SPTBN1: variants seen among roughly 807,000 people sequenced by gnomAD.
SPTBN1 encodes spectrin beta chain, non-erythrocytic 1.
SPTBN1 carries 32 observed loss-of-function variants against 266.4 expected under a neutral mutation model. The observed-to-expected ratio is 0.12, with a 90% confidence interval of 0.09 to 0.16. The LOEUF is 0.16. SPTBN1 is among the 10% of genes least tolerant of loss of function. The pLI, the probability that SPTBN1 is intolerant of heterozygous loss-of-function variation, is 1.00. For missense variants in SPTBN1, 2,296 were observed against 3,067.1 expected, an observed-to-expected ratio of 0.75 and a Z score of 5.94; for synonymous variants, 1,336 against 1,162.2, an observed-to-expected ratio of 1.15 and a Z score of -3.04.
chr2:54,635,318 C>T (rs1235432064), intron 17 of SPTBN1, among the ~76,000 whole-genome samples: 1 of 152,220 alleles, frequency 6.6e-6, no homozygotes, highest in Non-Finnish European at 1.5e-5. Context: ...CATTAAGCCA[C>T]ACTCACTTCT....
chr2:54,539,978 A>G (rs1234473706), intron 2 of SPTBN1, among the ~76,000 whole-genome samples: 1 of 152,174 alleles, frequency 6.6e-6, no homozygotes, highest in Admixed American at 6.5e-5. Flanking sequence ...ATGAAAGTGG[A>G]GCCCTCGTGA....
chr2:54,582,995 C>G (rs144381244), intron 2 of SPTBN1, among the ~76,000 whole-genome samples: 34 of 152,294 alleles, frequency 2.2e-4, no homozygotes, highest in Non-Finnish European at 2.8e-4. Flanking sequence ...AGTAAACACT[C>G]AGTAAACCCT....
intron 2 of SPTBN1, among the ~76,000 whole-genome samples, chr2:54,552,446 G>C (rs1482215846): frequency 7.0e-6 from 1 of 143,210 alleles, no homozygotes; most frequent in African/African-American, 2.7e-5. Context: ...AGCTTCTTAG[G>C]TCCCAGGTCT....
At chr2:54,473,093 A>T (rs991079280) in intron 1 of SPTBN1, among the ~76,000 whole-genome samples, 1 of 152,180 alleles carries the variant, frequency 6.6e-6, no homozygotes, top group Non-Finnish European at 1.5e-5. Context: ...CTGTCTTCAT[A>T]TGTGTAAGTC....
chr2:54,598,407 C>T (rs760216267), intron 2 of SPTBN1, among the ~76,000 whole-genome samples: 11 of 152,130 alleles, frequency 7.2e-5, no homozygotes, highest in Non-Finnish European at 1.3e-4. Context: ...TTTCCCGATG[C>T]CTGCAAAGAC....
At chr2:54,557,945 C>G in intron 2 of SPTBN1, 1 of 985,206 alleles carries the variant, frequency 1.0e-6, no homozygotes, top group Non-Finnish European at 1.2e-6. Context: ...GGGGCAGTCG[C>G]GCGCGCCCAG....
intron 2 of SPTBN1, among the ~76,000 whole-genome samples, chr2:54,579,243 A>G (rs955747127): frequency 2.0e-5 from 3 of 152,208 alleles, no homozygotes; most frequent in African/African-American, 7.2e-5. Context: ...TTGACGGCAC[A>G]TAGAATGAAG....
At chr2:54,516,042 G>T (rs1489510027) in intron 1 of SPTBN1, 1 of 152,106 alleles carries the variant, frequency 6.6e-6, no homozygotes, top group East Asian at 1.9e-4. Context: ...TTTGATGCAG[G>T]TCATTCATTT....
Position 54,665,898 on chromosome 2 carries a change from T to C in SPTBN1, c.6660-17T>C. On this transcript the variant is annotated splice_polypyrimidine_tract_variant and intron_variant, in intron 33 of 35. Coordinates refer to ENST00000356805, the MANE Select transcript of SPTBN1 (RefSeq NM_003128.3). The stretch of plus-strand genomic sequence containing the variant: ...AGAGCCTTTATCTCCCCCTGCCCTT[T>C]TTTTTAAACTGCACAGGTCCTGGCA... The C allele has an allele frequency of 6.3e-7, 1 of 1,597,886 alleles. No individual in the cohort carries two copies. The highest frequency in any genetic ancestry group is 8.5e-7 in the Non-Finnish European group (1 of 1,174,272).
intron 3 of SPTBN1, among the ~76,000 whole-genome samples, chr2:54,608,731 C>A (rs1677021413): frequency 6.6e-6 from 1 of 151,666 alleles, no homozygotes; most frequent in Admixed American, 6.6e-5. Flanking sequence ...CACAGTGGAT[C>A]CTTGAACAAA....
chr2:54,512,149 T>C lies in SPTBN1; in HGVS notation c.-47-14223T>C, dbSNP rs181729366. ...GTATAAGCAAACTATGGGGAACAGC[T>C]GTACTTCGCTTGCTTGTCCGCTGCT... On this transcript the variant is annotated intron_variant, in intron 1 of 35. Coordinates refer to ENST00000356805, the MANE Select transcript of SPTBN1 (RefSeq NM_003128.3). 9.5e-4 allele frequency among the ~76,000 whole-genome samples: 145 copies of C among 152,212 alleles called. 1 individual carries two copies. Among genetic ancestry groups the C allele is most frequent in the Non-Finnish European group, 4.3e-4 (29 of 68,034 alleles).
chr2:54,508,970 A>G (rs1669717559), intron 1 of SPTBN1, among the ~76,000 whole-genome samples: 1 of 152,174 alleles, frequency 6.6e-6, no homozygotes, highest in Non-Finnish European at 1.5e-5. Flanking sequence ...TGGAAGGCAT[A>G]TTTAGAGTCA....
In SPTBN1 at chr2:54,615,692, TGTATA is replaced by T. The variant is rs1677558988; in HGVS notation, c.475-514_475-510del. ...TTTGGTGCCAGCCGACCAGGCTTTG[TGTATA>T]ATGTTGCAAATATGCTGCCTCTGAG... On this transcript the variant is annotated intron_variant, in intron 4 of 35. Transcript: ENST00000356805. Among the ~76,000 whole-genome samples, 2 of 152,162 alleles carry T rather than the reference TGTATA, an allele frequency of 1.3e-5. 1 individual carries two copies. Among genetic ancestry groups the T allele is most frequent in the South Asian group, 4.1e-4 (2 of 4,832 alleles).
chr2:54,668,607 T>C lies in SPTBN1; in HGVS notation c.*38T>C. The C allele has an allele frequency of 6.4e-7, 1 of 1,557,090 alleles. No individual in the cohort carries two copies. The highest frequency in any genetic ancestry group is 8.7e-7 in the Non-Finnish European group (1 of 1,146,620). On this transcript the variant is annotated 3_prime_UTR_variant, in exon 36 of 36. Coordinates refer to ENST00000356805, the MANE Select transcript of SPTBN1 (RefSeq NM_003128.3). ...CACCTCCTGCCCTTCTCTTACCTTTTCAGTGAAATTCCAGCATGCAAGCTC... is the reference window on the plus strand; with the variant it reads ...CACCTCCTGCCCTTCTCTTACCTTTCCAGTGAAATTCCAGCATGCAAGCTC...
intron 2 of SPTBN1, among the ~76,000 whole-genome samples, chr2:54,542,651 C>T (rs563508665): frequency 3.9e-5 from 6 of 152,182 alleles, no homozygotes; most frequent in South Asian, 4.1e-4. Flanking sequence ...CAGGGAGGAA[C>T]GCCATTTTAG....
chr2:54,546,648 A>G (rs1056434828), intron 2 of SPTBN1: 5 of 152,260 alleles, frequency 3.3e-5, no homozygotes, highest in Non-Finnish European at 4.4e-5. Context: ...GGAAATGGAT[A>G]AACTCTGATA....
intron 2 of SPTBN1, among the ~76,000 whole-genome samples, chr2:54,566,959 A>G (rs551362749): frequency 1.3e-5 from 2 of 152,352 alleles, no homozygotes; most frequent in African/African-American, 4.8e-5. Flanking sequence ...ATAAAACACT[A>G]AAATAAAACT....
At chr2:54,633,167 AAG>A (rs1678869884) in intron 17 of SPTBN1, among the ~76,000 whole-genome samples, 1 of 152,140 alleles carries the variant, frequency 6.6e-6, no homozygotes, top group Admixed American at 6.5e-5. Flanking sequence ...ATCCATGAGA[AAG>A]AAGCCTGTCA....
At chr2:54,662,083 G>A in intron 32 of SPTBN1, 2 of 985,350 alleles carry the variant, frequency 2.0e-6, no homozygotes, top group Non-Finnish European at 2.4e-6. Flanking sequence ...TTGCATTCAT[G>A]TTCACCTCCT....
Sources: gnomAD v4.1 joint callset for allele counts (sites outside exome capture counted in the v4.1 genomes callset) on GRCh38, gnomAD v4.1.1 for gene constraint, MANE v1.5 for transcripts, NCBI Gene and HGNC (gene_info 2026-07-23, HGNC 2026-07-21) for gene names.